The following OCLN variants were observed in gnomAD, a reference collection of about 807,000 sequenced individuals.
OCLN encodes phosphatase 1, regulatory subunit 115.
A neutral mutation model predicts 47.9 loss-of-function variants in OCLN; 21 were observed. The ratio of observed to expected loss-of-function variants is 0.44; its 90% CI spans 0.31 to 0.63. OCLN has a LOEUF of 0.63. Ranked by LOEUF, OCLN falls within the 30% of genes least tolerant of loss-of-function variation. The pLI, the probability that OCLN is intolerant of heterozygous loss-of-function variation, is 0.08. For synonymous variants in OCLN, 117 were observed against 198.4 expected (o/e 0.59, Z 3.45); for missense variants, 360 against 571.0 (o/e 0.63, Z 3.77).
intron 4 of OCLN, among the ~76,000 whole-genome samples, chr5:69,524,586 T>C (rs912657416): frequency 7.9e-5 from 12 of 152,246 alleles, no homozygotes; most frequent in Non-Finnish European, 1.6e-4. Flanking sequence ...CGCCATTGTC[T>C]GGTCCTCTAT....
At chr5:69,506,930 G>A (rs1171107271) in intron 2 of OCLN, among the ~76,000 whole-genome samples, 2 of 152,046 alleles carry the variant, frequency 1.3e-5, no homozygotes, top group Non-Finnish European at 2.9e-5. Flanking sequence ...TAAAGAAAAG[G>A]ACACAGAACA....
At chr5:69,522,597 ATACAC>A (rs1769168714) in intron 4 of OCLN, among the ~76,000 whole-genome samples, 1 of 152,152 alleles carries the variant, frequency 6.6e-6, no homozygotes, top group Non-Finnish European at 1.5e-5. Context: ...CATCCAGGAT[ATACAC>A]TGGACCACCC....
chr5:69,496,167 TG>T (rs1186932457), intron 1 of OCLN, among the ~76,000 whole-genome samples: 1 of 151,988 alleles, frequency 6.6e-6, no homozygotes, highest in Non-Finnish European at 1.5e-5. Flanking sequence ...GGCACGATCT[TG>T]GCTTACTGCA....
At chr5:69,516,922 T>C (rs1197871520) in intron 4 of OCLN, among the ~76,000 whole-genome samples, 1 of 151,908 alleles carries the variant, frequency 6.6e-6, no homozygotes, top group Non-Finnish European at 1.5e-5. Context: ...TAGCTGGGCA[T>C]GATGATGTAT....
At chr5:69,523,455 C>T (rs906312759) in intron 4 of OCLN, among the ~76,000 whole-genome samples, 3 of 151,618 alleles carry the variant, frequency 2.0e-5, no homozygotes, top group African/African-American at 7.3e-5. Context: ...ATATGGGTGA[C>T]AAAGCCAGGA....
intron 4 of OCLN, among the ~76,000 whole-genome samples, chr5:69,527,489 G>A (rs1224019363): frequency 2.6e-5 from 4 of 152,098 alleles, no homozygotes; most frequent in African/African-American, 7.2e-5. Flanking sequence ...GTATTTTTTT[G>A]TAAGTTTTTA....
chr5:69,549,398 G>T (rs1157071822), intron 7 of OCLN, among the ~76,000 whole-genome samples: 1 of 122,084 alleles, frequency 8.2e-6, no homozygotes, highest in Non-Finnish European at 1.8e-5. Flanking sequence ...TACAGAAAAA[G>T]AAATCATCTT....
chr5:69,492,972 G>A (rs1768181306), intron 1 of OCLN, 72 bp downstream of exon 1: 1 of 152,464 alleles, frequency 6.6e-6, no homozygotes, highest in Non-Finnish European at 1.5e-5. Flanking sequence ...CGGCGACTAT[G>A]TTAGGGGAGG....
At chr5:69,494,184 C>T (rs1219541031) in intron 1 of OCLN, among the ~76,000 whole-genome samples, 3 of 53,980 alleles carry the variant, frequency 5.6e-5, no homozygotes, top group African/African-American at 8.1e-5. Flanking sequence ...ATATGAGGTG[C>T]TTGTGTGTGT....
intron 5 of OCLN, among the ~76,000 whole-genome samples, chr5:69,537,015 C>T (rs1769608125): frequency 1.4e-5 from 2 of 145,296 alleles, no homozygotes; most frequent in African/African-American, 2.5e-5. Context: ...AATCACAAAC[C>T]CTGGCACAGT....
At position 69,509,339 on chromosome 5, in the gene OCLN, G is replaced by C; in HGVS notation, c.249G>C (p.Val83=). Residue 83 remains valine (V), a synonymous_variant, in exon 3 of 9, where the codon GTG becomes GTC. Coordinates refer to ENST00000396442, the MANE Select transcript of OCLN (RefSeq NM_001205254.2). ...TGTGCATTGCCATCTTTGCCTGTGT[G>C]GCCTCCACGCTTGCCTGGGACAGAG... ...IVMCIAIFAC[V]ASTLAWDRGY... The C allele has an allele frequency of 3.1e-6, 5 of 1,614,128 alleles. No individual in the cohort carries two copies. The highest frequency in any genetic ancestry group is 4.2e-6 in the Non-Finnish European group (5 of 1,180,024).
chr5:69,550,214 C>CA (rs1769828045), intron 7 of OCLN, among the ~76,000 whole-genome samples: 1 of 102,236 alleles, frequency 9.8e-6, no homozygotes, highest in Admixed American at 1.2e-4. Context: ...TTTTTTGAGA[C>CA]GGAGTCTTGC....
chr5:69,508,716 T>C (rs1323841043), intron 2 of OCLN, among the ~76,000 whole-genome samples: 1 of 152,106 alleles, frequency 6.6e-6, no homozygotes. Context: ...AGCTATGGAG[T>C]ATTCCATTGT....
At chr5:69,521,966 C>T (rs1435252544) in intron 4 of OCLN, among the ~76,000 whole-genome samples, 1 of 152,032 alleles carries the variant, frequency 6.6e-6, no homozygotes, top group Non-Finnish European at 1.5e-5. Flanking sequence ...ATAACTTCTC[C>T]CACATTATTG....
rs1379761941 is a variant in OCLN at position 69,493,124 on chromosome 5, C to G, written c.-69+224C>G. Among the ~76,000 whole-genome samples the G allele has an allele frequency of 6.6e-6, 1 of 152,166 alleles. No homozygotes were observed. Among genetic ancestry groups the G allele is most frequent in the Non-Finnish European group, 1.5e-5 (1 of 68,020 alleles). On this transcript the variant is annotated intron_variant, in intron 1 of 8. Coordinates refer to ENST00000396442, the MANE Select transcript of OCLN (RefSeq NM_001205254.2). The surrounding 1 kb of genome is among the most constrained non-coding windows in gnomAD (Gnocchi z 5.3). ...GGCTGCCTCCTGGGGCGAGGGGTGGCTTGGAGCCGCCGATCAAGCTTTATT... is the reference window on the plus strand; with the variant it reads ...GGCTGCCTCCTGGGGCGAGGGGTGGGTTGGAGCCGCCGATCAAGCTTTATT...
chr5:69,512,452 A>G (rs761857284), intron 3 of OCLN, among the ~76,000 whole-genome samples: 2 of 152,170 alleles, frequency 1.3e-5, no homozygotes, highest in African/African-American at 2.4e-5. Context: ...TGATTACTGT[A>G]ACTTTATAGT....
At chr5:69,529,272 A>G (rs1769366221) in intron 4 of OCLN, among the ~76,000 whole-genome samples, 1 of 152,186 alleles carries the variant, frequency 6.6e-6, no homozygotes, top group Admixed American at 6.5e-5. Flanking sequence ...TTGGCATCCC[A>G]CAGGGGTTTA....
chr5:69,496,394 G>A (rs928365930), intron 1 of OCLN, among the ~76,000 whole-genome samples: 3 of 151,782 alleles, frequency 2.0e-5, no homozygotes, highest in Non-Finnish European at 4.4e-5. Flanking sequence ...CACCGCGCCC[G>A]GCCACAACTT....
intron 7 of OCLN, among the ~76,000 whole-genome samples, chr5:69,548,851 CG>C (rs1298778339): frequency 1.3e-5 from 2 of 150,500 alleles, no homozygotes; most frequent in South Asian, 4.2e-4. Flanking sequence ...CCCAGCTACT[CG>C]GGGAGGCTGA....
Sources: allele counts gnomAD v4.1 joint callset (sites outside exome capture counted in the v4.1 genomes callset), GRCh38; gene constraint gnomAD v4.1.1; non-coding constraint Gnocchi (gnomAD v3.1); transcripts MANE v1.5; gene names NCBI Gene and HGNC (gene_info 2026-07-23, HGNC 2026-07-21).